Variants in SCP2 observed in about 807,000 individuals in gnomAD.
SCP2 encodes SCP-2/3-oxoacyl-CoA thiolase.
In SCP2, 48 loss-of-function variants were observed where a neutral mutation model predicts 71.4. The observed-to-expected ratio is 0.67, with a 90% CI of 0.53 to 0.86. The LOEUF (loss-of-function observed/expected upper bound fraction) is 0.86, where lower values mean the gene tolerates loss of function less well. Ranked by LOEUF, SCP2 falls within the 40% of genes least tolerant of loss-of-function variation. The pLI is 0.00. For missense variants in SCP2, 560 were observed against 655.6 expected (o/e 0.85, Z 1.59); for synonymous variants, 220 against 218.1 (o/e 1.01, Z -0.08).
chr1:52,969,692 G>A (rs1657284858), intron 6 of SCP2, among the ~76,000 whole-genome samples: 1 of 151,564 alleles, frequency 6.6e-6, no homozygotes, highest in African/African-American at 2.4e-5. Flanking sequence ...GTGGTCGCGT[G>A]TGCCTGTAAT....
intron 1 of SCP2, among the ~76,000 whole-genome samples, chr1:52,938,898 G>A (rs188235490): frequency 1.3e-5 from 2 of 152,206 alleles, no homozygotes; most frequent in African/African-American, 4.8e-5. Context: ...CAGTGTTATA[G>A]GATCATACAG....
chr1:52,995,927 G>A (rs546973995), intron 11 of SCP2: 8 of 1,478,296 alleles, frequency 5.4e-6, no homozygotes, highest in Non-Finnish European at 7.2e-6. Context: ...ACAAGGCTGA[G>A]AGCAACATGA....
In SCP2 at chr1:52,927,388, G is replaced by A. The variant is rs1336875926; in HGVS notation, c.-9G>A. 1.9e-6 allele frequency: 3 copies of A among 1,583,720 alleles called. No individual in the cohort carries two copies. The highest frequency in any genetic ancestry group is 2.3e-5 in the East Asian group (1 of 43,708). ...GCGGCGCCCGCCCCGGTCCCGCACT[G>A]GTGCAGCCATGTCCTCTTCCCCGTG... On this transcript the variant is annotated 5_prime_UTR_variant, in exon 1 of 16. Transcript: ENST00000371514.
intron 14 of SCP2, among the ~76,000 whole-genome samples, chr1:53,045,899 C>T (rs1415325938): frequency 2.0e-5 from 3 of 152,154 alleles, no homozygotes; most frequent in Non-Finnish European, 2.9e-5. Context: ...TGATTTCTCT[C>T]CCTGTAGTTT....
At chr1:52,995,781 C>A in intron 11 of SCP2, 2 of 801,924 alleles carry the variant, frequency 2.5e-6, no homozygotes, top group South Asian at 1.4e-5. Context: ...TTCAAGATGG[C>A]GGTCACCTTA....
At chr1:52,984,401 T>G (rs1658788180) in intron 10 of SCP2, among the ~76,000 whole-genome samples, 1 of 152,178 alleles carries the variant, frequency 6.6e-6, no homozygotes, top group Non-Finnish European at 1.5e-5. Flanking sequence ...TTTTTTTTAT[T>G]TTTATTTTTA....
intron 11 of SCP2, chr1:52,995,069 C>G: frequency 2.0e-6 from 1 of 497,824 alleles, no homozygotes; most frequent in South Asian, 1.6e-5. Context: ...CTGGTTGATT[C>G]AGTTGTAGAT....
At chr1:52,980,575 G>C in intron 10 of SCP2, 32 bp downstream of exon 10, 1 of 1,596,544 alleles carries the variant, frequency 6.3e-7, no homozygotes, top group South Asian at 1.1e-5. Flanking sequence ...GATTAATTCA[G>C]TAAATTTCAC....
At chr1:52,976,915 C>G in intron 8 of SCP2, 146 bp downstream of exon 8, 1 of 627,882 alleles carries the variant, frequency 1.6e-6, no homozygotes, top group Non-Finnish European at 2.9e-6. Flanking sequence ...GGTCACTTCA[C>G]TAGAGTACCC....
intron 14 of SCP2, among the ~76,000 whole-genome samples, chr1:53,039,315 C>G (rs1663252935): frequency 6.6e-6 from 1 of 152,214 alleles, no homozygotes; most frequent in South Asian, 2.1e-4. Context: ...TGACCTTGAA[C>G]AAGTTATTTA....
chr1:53,025,965 A>T (rs1211593186), intron 12 of SCP2, among the ~76,000 whole-genome samples: 1 of 152,122 alleles, frequency 6.6e-6, no homozygotes, highest in African/African-American at 2.4e-5. Flanking sequence ...CTCTGGTCTT[A>T]TTTGACTTTC....
chr1:53,024,178 T>C (rs1661942935), intron 12 of SCP2, among the ~76,000 whole-genome samples: 1 of 152,158 alleles, frequency 6.6e-6, no homozygotes, highest in Admixed American at 6.5e-5. Context: ...TTATGCCAAG[T>C]GATATGTCAG....
At chr1:52,956,899 T>G (rs12740280) in intron 5 of SCP2, among the ~76,000 whole-genome samples, 2 of 136,128 alleles carry the variant, frequency 1.5e-5, no homozygotes, top group Non-Finnish European at 3.1e-5. Context: ...TCCCTCCTTC[T>G]GCCTTTTTTT....
chr1:53,037,975 A>AGATCCAGATCCTGTCT (rs1307528224), intron 13 of SCP2, among the ~76,000 whole-genome samples: 1 of 143,442 alleles, frequency 7.0e-6, no homozygotes, highest in Non-Finnish European at 1.6e-5. Context: ...ACACACACAC[A>AGATCCAGATCCTGTCT]CACACACACA....
chr1:53,010,595 A>G (rs1660925145), intron 11 of SCP2, among the ~76,000 whole-genome samples: 1 of 152,088 alleles, frequency 6.6e-6, no homozygotes, highest in African/African-American at 2.4e-5. Flanking sequence ...ACTTGGACAC[A>G]TGGTGGGGAA....
chr1:52,984,391 T>G (rs1433281350), intron 10 of SCP2, among the ~76,000 whole-genome samples: 1 of 150,412 alleles, frequency 6.6e-6, no homozygotes, highest in Non-Finnish European at 1.5e-5. Flanking sequence ...CCTCAGGCAG[T>G]TTTTTTTATT....
intron 5 of SCP2, among the ~76,000 whole-genome samples, chr1:52,955,620 T>C (rs1041004884): frequency 7.2e-5 from 11 of 152,190 alleles, no homozygotes; most frequent in African/African-American, 2.4e-4. Context: ...ATTCTCATTA[T>C]CTAAGTCGTC....
intron 6 of SCP2, among the ~76,000 whole-genome samples, chr1:52,970,949 A>T: frequency 7.1e-6 from 1 of 140,564 alleles, no homozygotes; most frequent in African/African-American, 2.7e-5. Flanking sequence ...TTGGTTTTAG[A>T]GGCTATAGAG....
chr1:52,976,860 G>T, intron 8 of SCP2, 91 bp downstream of exon 8: 1 of 755,324 alleles, frequency 1.3e-6, no homozygotes, highest in Admixed American at 1.9e-5. Flanking sequence ...CTCTGCATCT[G>T]GGCGGAGCTT....
Sources: allele counts gnomAD v4.1 joint callset (sites outside exome capture counted in the v4.1 genomes callset), GRCh38; gene constraint gnomAD v4.1.1; transcripts MANE v1.5; gene names NCBI Gene and HGNC (gene_info 2026-07-23, HGNC 2026-07-21).